The following SCAPER variants were observed in gnomAD, a reference collection of about 807,000 sequenced individuals.
The protein encoded by SCAPER is S-phase cyclin A associated protein in the ER, also known as S phase cyclin A-associated protein in the endoplasmic reticulum.
SCAPER carries 98 observed loss-of-function variants against 182.2 expected under a neutral mutation model. The observed-to-expected ratio is 0.54, with a 90% CI of 0.46 to 0.64. SCAPER has a LOEUF of 0.64. SCAPER is among the 30% of genes least tolerant of loss of function. The pLI, the probability that SCAPER is intolerant of heterozygous loss-of-function variation, is 0.00. For synonymous variants in SCAPER, 605 were observed against 564.6 expected, an observed-to-expected ratio of 1.07 and a Z score of -1.01; for missense variants, 1,432 against 1,690.0, an observed-to-expected ratio of 0.85 and a Z score of 2.68.
chr15:76,751,453 A>G (rs2062077549), intron 15 of SCAPER, among the ~76,000 whole-genome samples: 3 of 151,670 alleles, frequency 2.0e-5, no homozygotes, highest in African/African-American at 7.2e-5. Flanking sequence ...AAATTGGATG[A>G]CTCCCACTTC....
chr15:76,707,494 T>G (rs557322785), intron 17 of SCAPER, among the ~76,000 whole-genome samples: 2 of 152,214 alleles, frequency 1.3e-5, no homozygotes, highest in South Asian at 4.1e-4. Context: ...AATTTGACAT[T>G]AATACAAGAA....
intron 27 of SCAPER, among the ~76,000 whole-genome samples, chr15:76,403,185 C>T (rs994051554): frequency 3.9e-5 from 6 of 152,212 alleles, no homozygotes; most frequent in African/African-American, 1.4e-4. Flanking sequence ...ACTAGCTGGG[C>T]AGCATGGTGG....
chr15:76,663,111 A>G (rs1308577755), intron 21 of SCAPER, among the ~76,000 whole-genome samples: 1 of 152,170 alleles, frequency 6.6e-6, no homozygotes, highest in Non-Finnish European at 1.5e-5. Context: ...ATAAAATGAC[A>G]GCCCATTTTT....
intron 8 of SCAPER, among the ~76,000 whole-genome samples, chr15:76,776,231 C>T (rs758216343): frequency 2.0e-5 from 3 of 152,088 alleles, no homozygotes; most frequent in Non-Finnish European, 4.4e-5. Context: ...TCAAGAAATG[C>T]CTCTTTTGCC....
intron 17 of SCAPER, among the ~76,000 whole-genome samples, chr15:76,716,344 A>C (rs951067351): frequency 2.9e-4 from 44 of 152,282 alleles, no homozygotes; most frequent in African/African-American, 1.0e-3. Context: ...TAAAGTTGGA[A>C]AGATATGACT....
chr15:76,557,482 T>A (rs1355485668), intron 23 of SCAPER, among the ~76,000 whole-genome samples: 1 of 152,212 alleles, frequency 6.6e-6, no homozygotes, highest in East Asian at 1.9e-4. Flanking sequence ...TGTGGGCTTC[T>A]TATGAATGGT....
chr15:76,566,888 C>A (rs969889935), intron 23 of SCAPER, among the ~76,000 whole-genome samples: 1 of 151,892 alleles, frequency 6.6e-6, no homozygotes, highest in Non-Finnish European at 1.5e-5. Flanking sequence ...CATGTATGTA[C>A]AAGTTAAATA....
At chr15:76,656,232 A>G (rs1169072380) in intron 21 of SCAPER, among the ~76,000 whole-genome samples, 1 of 152,154 alleles carries the variant, frequency 6.6e-6, no homozygotes, top group Non-Finnish European at 1.5e-5. Context: ...CAGGAAACAG[A>G]AAAAAGCAGG....
chr15:76,735,272 C>A (rs1464316019), intron 15 of SCAPER, among the ~76,000 whole-genome samples: 3 of 151,092 alleles, frequency 2.0e-5, no homozygotes, highest in Non-Finnish European at 4.4e-5. Flanking sequence ...ACTTGGGAGG[C>A]TGAGGTGAGA....
rs1284357846 is a variant in SCAPER at position 76,435,735 on chromosome 15, G to A, written c.3079-1425C>T. 4.6e-5 allele frequency among the ~76,000 whole-genome samples: 7 copies of A among 152,222 alleles called. No individual in the cohort carries two copies. The South Asian group carries it at 6.2e-4, about 14-fold the overall frequency. ...TCTTTTATTATCCTTACATTTTATC[G>A]ATAGTTTGGCTGGATATAGGATTCT... On this transcript the variant is annotated intron_variant, in intron 25 of 31. Transcript: ENST00000563290.
intron 5 of SCAPER, among the ~76,000 whole-genome samples, chr15:76,819,188 G>C (rs1292144207): frequency 6.6e-6 from 1 of 152,250 alleles, no homozygotes; most frequent in Non-Finnish European, 1.5e-5. Context: ...AAAAGCAGCA[G>C]TAGCCTCTGC....
Position 76,841,737 on chromosome 15 carries a change from A to G in SCAPER, c.390T>C (p.Cys130=). The G allele has an allele frequency of 1.2e-6, 2 of 1,613,744 alleles. No individual in the cohort carries two copies. The highest frequency in any genetic ancestry group is 1.7e-6 in the Non-Finnish European group (2 of 1,179,792). The change falls in exon 5 of 32, where the codon TGT becomes TGC. Residue 130 remains cysteine (C), a synonymous_variant. Coordinates refer to ENST00000563290, the MANE Select transcript of SCAPER (RefSeq NM_020843.4). ...TCESDQSVVE[C]KEVLMMLDNY... ...AAGGCCTCAAAGCAAACCTTACCTTACATTCGACCACACTCTGATCTGATT... is the reference window on the plus strand; with the variant it reads ...AAGGCCTCAAAGCAAACCTTACCTTGCATTCGACCACACTCTGATCTGATT...
intron 13 of SCAPER, 78 bp downstream of exon 13, chr15:76,765,259 T>G (rs1402839530): frequency 3.3e-6 from 4 of 1,200,906 alleles, no homozygotes; most frequent in Non-Finnish European, 4.7e-6. Flanking sequence ...AAATGCCACG[T>G]AGCAATTTTA....
chr15:76,503,402 A>G (rs1210738924), intron 24 of SCAPER, among the ~76,000 whole-genome samples: 1 of 152,196 alleles, frequency 6.6e-6, no homozygotes, highest in Non-Finnish European at 1.5e-5. Flanking sequence ...TTCCTGACTT[A>G]AAGAATACCT....
Position 76,790,548 on chromosome 15 carries a change from T to C in SCAPER, c.772+4732A>G, listed in dbSNP as rs1208331845. Among the ~76,000 whole-genome samples, 5 of 152,204 alleles carry C rather than the reference T, an allele frequency of 3.3e-5. No homozygotes were observed. The East Asian group carries it at 9.6e-4, about 29-fold the overall frequency. On this transcript the variant is annotated intron_variant, in intron 8 of 31. Coordinates refer to ENST00000563290, the MANE Select transcript of SCAPER (RefSeq NM_020843.4). ...TTTAACTTGTGTTTTTCAAGGAATGTCAATCCTTTTGTTTTTCCAAATTTA... is the reference window on the plus strand; with the variant it reads ...TTTAACTTGTGTTTTTCAAGGAATGCCAATCCTTTTGTTTTTCCAAATTTA...
At chr15:76,884,692 G>A (rs940920950) in intron 1 of SCAPER, among the ~76,000 whole-genome samples, 17 of 152,078 alleles carry the variant, frequency 1.1e-4, no homozygotes, top group African/African-American at 2.9e-4. Flanking sequence ...ACATATGTCC[G>A]GATAAAAATT....
chr15:76,613,775 T>A (rs2051206100), intron 22 of SCAPER, among the ~76,000 whole-genome samples: 2 of 152,156 alleles, frequency 1.3e-5, no homozygotes, highest in Non-Finnish European at 2.9e-5. Flanking sequence ...CTGGCAAGGT[T>A]GTAGAGAAAA....
At chr15:76,777,901 T>C (rs982190572) in intron 8 of SCAPER, among the ~76,000 whole-genome samples, 1 of 152,144 alleles carries the variant, frequency 6.6e-6, no homozygotes, top group African/African-American at 2.4e-5. Context: ...ATAACTAGCC[T>C]AGACTACCTT....
chr15:76,775,905 G>C (rs569960290), intron 8 of SCAPER, among the ~76,000 whole-genome samples: 23 of 152,152 alleles, frequency 1.5e-4, no homozygotes, highest in African/African-American at 3.9e-4. Flanking sequence ...TATATGTATA[G>C]TGGTGCTTAT....
Sources: gnomAD v4.1 joint callset for allele counts (sites outside exome capture counted in the v4.1 genomes callset) on GRCh38, gnomAD v4.1.1 for gene constraint, MANE v1.5 for transcripts, NCBI Gene and HGNC (gene_info 2026-07-23, HGNC 2026-07-21) for gene names.